Variants in SPIDR observed in about 807,000 individuals in gnomAD.
The protein encoded by SPIDR is scaffold protein involved in DNA repair.
A neutral mutation model predicts 104.6 loss-of-function variants in SPIDR; 93 were observed. The ratio of observed to expected loss-of-function variants is 0.89; its 90% confidence interval spans 0.75 to 1.06. The LOEUF is 1.06. Among genes scored for constraint, SPIDR ranks in the 50% least tolerant of loss-of-function variants. The pLI is 0.00. For synonymous variants in SPIDR, 431 were observed against 416.9 expected (o/e 1.03, Z -0.41); for missense variants, 1,154 against 1,111.2 (o/e 1.04, Z -0.55).
intron 16 of SPIDR, among the ~76,000 whole-genome samples, chr8:47,720,571 T>C (rs1277578747): frequency 2.0e-5 from 3 of 152,246 alleles, no homozygotes; most frequent in Non-Finnish European, 4.4e-5. Context: ...CTTAATGACA[T>C]ATGACATTTA....
chr8:47,581,513 A>C (rs367862181), intron 8 of SPIDR, among the ~76,000 whole-genome samples: 12 of 152,112 alleles, frequency 7.9e-5, no homozygotes, highest in African/African-American at 2.7e-4. Flanking sequence ...TAGCATGATC[A>C]CCACAGTATC....
intron 4 of SPIDR, among the ~76,000 whole-genome samples, chr8:47,292,969 C>T (rs932940553): frequency 3.3e-5 from 5 of 152,032 alleles, no homozygotes; most frequent in Non-Finnish European, 7.4e-5. Flanking sequence ...CCTTGTCTCT[C>T]CCTGGCTTCC....
At chr8:47,319,486 A>G (rs2154260745) in intron 5 of SPIDR, among the ~76,000 whole-genome samples, 1 of 152,288 alleles carries the variant, frequency 6.6e-6, no homozygotes, top group Non-Finnish European at 1.5e-5. Context: ...ACTCCCACAC[A>G]ATAATAATGG....
chr8:47,722,786 T>A (rs947245092), intron 16 of SPIDR, among the ~76,000 whole-genome samples: 8 of 152,138 alleles, frequency 5.3e-5, no homozygotes, highest in African/African-American at 1.9e-4. Context: ...TTCATCCTTT[T>A]TTTTTTTCTT....
chr8:47,660,382 A>G (rs1354675235), intron 10 of SPIDR: 2 of 835,666 alleles, frequency 2.4e-6, no homozygotes, highest in Non-Finnish European at 2.9e-6. Context: ...GTTGCTGGGA[A>G]TGCACTGTGG....
intron 6 of SPIDR, among the ~76,000 whole-genome samples, 169 bp from the exon 7 acceptor site, chr8:47,407,692 G>C (rs2062947202): frequency 6.6e-6 from 1 of 152,126 alleles, no homozygotes; most frequent in Non-Finnish European, 1.5e-5. Flanking sequence ...ACAAAAAACT[G>C]ACTTATGAGG....
intron 8 of SPIDR, among the ~76,000 whole-genome samples, chr8:47,540,433 T>C (rs2087867032): frequency 6.6e-6 from 1 of 152,188 alleles, no homozygotes; most frequent in Non-Finnish European, 1.5e-5. Context: ...TGAAAACTTA[T>C]TTTACCAGGA....
intron 5 of SPIDR, among the ~76,000 whole-genome samples, chr8:47,311,969 G>T (rs2044258168): frequency 6.6e-6 from 1 of 152,094 alleles, no homozygotes; most frequent in African/African-American, 2.4e-5. Flanking sequence ...AACATGCGGT[G>T]TTTGGTTTTT....
At chr8:47,300,594 A>G (rs1166346064) in intron 5 of SPIDR, among the ~76,000 whole-genome samples, 4 of 152,132 alleles carry the variant, frequency 2.6e-5, no homozygotes, top group African/African-American at 9.7e-5. Context: ...TAGTGCTACA[A>G]ATTTCCCTCT....
chr8:47,609,871 T>C (rs2063401023), intron 10 of SPIDR, among the ~76,000 whole-genome samples: 1 of 152,200 alleles, frequency 6.6e-6, no homozygotes, highest in Non-Finnish European at 1.5e-5. Flanking sequence ...TCTTTTTTCC[T>C]ATATATTAAA....
chr8:47,272,450 C>G (rs2154215401), intron 1 of SPIDR, among the ~76,000 whole-genome samples: 1 of 152,194 alleles, frequency 6.6e-6, no homozygotes, highest in Middle Eastern at 3.4e-3. Context: ...TCGTGTGTAG[C>G]TAATGAAGAC....
intron 8 of SPIDR, among the ~76,000 whole-genome samples, chr8:47,499,333 T>C (rs971306658): frequency 1.3e-5 from 2 of 152,182 alleles, no homozygotes; most frequent in Non-Finnish European, 2.9e-5. Context: ...GGATGTATGT[T>C]TGCACCAGTG....
intron 7 of SPIDR, among the ~76,000 whole-genome samples, chr8:47,436,696 C>A (rs114087846): frequency 3.0e-4 from 46 of 152,290 alleles, no homozygotes; most frequent in African/African-American, 1.1e-3. Context: ...ATTGTACTCC[C>A]GCCTGGGCGA....
At chr8:47,626,828 G>C (rs929631408) in intron 10 of SPIDR, among the ~76,000 whole-genome samples, 7 of 152,148 alleles carry the variant, frequency 4.6e-5, no homozygotes, top group African/African-American at 1.7e-4. Context: ...AAGTCAGTGT[G>C]GCGATTCCTC....
At chr8:47,335,806 AGTT>A (rs1554608590) in intron 5 of SPIDR, among the ~76,000 whole-genome samples, 2 of 152,200 alleles carry the variant, frequency 1.3e-5, no homozygotes, top group African/African-American at 4.8e-5. Flanking sequence ...TCTGAGAAGA[AGTT>A]GTTATCTTTG....
chr8:47,321,218 C>T (rs558949271), intron 5 of SPIDR, among the ~76,000 whole-genome samples: 1 of 152,146 alleles, frequency 6.6e-6, no homozygotes, highest in East Asian at 1.9e-4. Flanking sequence ...CCAAAATCTC[C>T]TTAAGCTGAT....
intron 5 of SPIDR, among the ~76,000 whole-genome samples, chr8:47,300,466 G>A (rs1264210589): frequency 2.0e-5 from 3 of 151,698 alleles, no homozygotes; most frequent in African/African-American, 7.3e-5. Flanking sequence ...GTTCTACTCT[G>A]ATCTTATTTC....
At chr8:47,556,869 G>A (rs2091388337) in intron 8 of SPIDR, among the ~76,000 whole-genome samples, 1 of 151,824 alleles carries the variant, frequency 6.6e-6, no homozygotes, top group South Asian at 2.1e-4. Context: ...CTCCCAAAAT[G>A]CTGAGATTCC....
chr8:47,274,536 G>T (rs1185053532), intron 1 of SPIDR, among the ~76,000 whole-genome samples: 3 of 151,646 alleles, frequency 2.0e-5, no homozygotes, highest in South Asian at 2.1e-4. Flanking sequence ...TGATAGTTTG[G>T]CCGGGAATAG....
Sources: allele counts gnomAD v4.1 joint callset (sites outside exome capture counted in the v4.1 genomes callset), GRCh38; gene constraint gnomAD v4.1.1; transcripts MANE v1.5; gene names NCBI Gene and HGNC (gene_info 2026-07-23, HGNC 2026-07-21).